The following R3HDM1 variants were observed in gnomAD, a reference collection of about 807,000 sequenced individuals.
R3HDM1 encodes R3H domain-containing protein 1.
In R3HDM1, 46 loss-of-function variants were observed where a neutral mutation model predicts 141.1. The ratio of observed to expected loss-of-function variants is 0.33; its 90% CI spans 0.26 to 0.42. R3HDM1 has a LOEUF of 0.42. R3HDM1 is among the 10% of genes least tolerant of loss of function. The pLI is 1.00. For missense variants in R3HDM1, 1,184 were observed against 1,368.3 expected (o/e 0.87, Z 2.12); for synonymous variants, 435 against 472.9 (o/e 0.92, Z 1.04).
intron 19 of R3HDM1, among the ~76,000 whole-genome samples, chr2:135,664,031 CAA>C (rs11382173): frequency 4.8e-5 from 5 of 103,778 alleles, no homozygotes; most frequent in Non-Finnish European, 6.9e-5. Context: ...GAGACTGTCT[CAA>C]AAAAAAAAAA....
At chr2:135,666,310 C>T (rs2067486121) in intron 19 of R3HDM1, among the ~76,000 whole-genome samples, 1 of 152,074 alleles carries the variant, frequency 6.6e-6, no homozygotes, top group South Asian at 2.1e-4. Flanking sequence ...AATAGGGACT[C>T]AAGGCACAAA....
chr2:135,632,123 C>A (rs967160681), intron 9 of R3HDM1, 122 bp downstream of exon 9: 1 of 866,832 alleles, frequency 1.2e-6, no homozygotes, highest in Non-Finnish European at 1.6e-6. Context: ...TTTATGATAA[C>A]CTTATGTGAT....
chr2:135,622,556 T>G, intron 6 of R3HDM1, 98 bp from the exon 7 acceptor site: 1 of 1,375,652 alleles, frequency 7.3e-7, no homozygotes, highest in Non-Finnish European at 9.5e-7. Flanking sequence ...ATGTGGGGCA[T>G]CTTGTTTTAT....
At chr2:135,631,643 A>T in intron 7 of R3HDM1, 75 bp from the exon 8 acceptor site, 1 of 1,267,548 alleles carries the variant, frequency 7.9e-7, no homozygotes, top group Non-Finnish European at 1.1e-6. Context: ...TAGCTGTATA[A>T]ATCATAGGCT....
intron 1 of R3HDM1, among the ~76,000 whole-genome samples, chr2:135,595,957 C>T (rs1321793967): frequency 6.6e-6 from 1 of 152,136 alleles, no homozygotes. Context: ...TCCTCTATTA[C>T]TCAAGCTTCC....
chr2:135,616,628 T>C, intron 4 of R3HDM1, 40 bp from the exon 5 acceptor site: 4 of 1,491,316 alleles, frequency 2.7e-6, no homozygotes, highest in Non-Finnish European at 3.7e-6. Flanking sequence ...ATGCCCTAGA[T>C]TTCTGAAATG....
At chr2:135,604,747 T>C in intron 2 of R3HDM1, 59 bp from the exon 3 acceptor site, 1 of 1,260,584 alleles carries the variant, frequency 7.9e-7, no homozygotes, top group East Asian at 2.4e-5. Flanking sequence ...AGTAGGTCAG[T>C]ATCATGCAGT....
intron 3 of R3HDM1, among the ~76,000 whole-genome samples, chr2:135,607,493 G>C (rs899565307): frequency 2.0e-5 from 3 of 152,046 alleles, no homozygotes; most frequent in Non-Finnish European, 4.4e-5. Flanking sequence ...TTTACTAATA[G>C]CACTTTCTAG....
At chr2:135,650,815 A>T in intron 17 of R3HDM1, 10 of 984,544 alleles carry the variant, frequency 1.0e-5, no homozygotes, top group Non-Finnish European at 1.2e-5. Flanking sequence ...CAGATCTAGA[A>T]ACTGCAGACA....
At chr2:135,550,162 T>G in intron 1 of R3HDM1, 2 of 984,574 alleles carry the variant, frequency 2.0e-6, no homozygotes, top group Non-Finnish European at 2.4e-6. Flanking sequence ...CACGAACTAT[T>G]TTTTTACACA....
intron 1 of R3HDM1, chr2:135,583,787 A>G: frequency 1.0e-6 from 1 of 985,486 alleles, no homozygotes; most frequent in Non-Finnish European, 1.2e-6. Flanking sequence ...CGCAAGAGCT[A>G]AGCCACCAGA....
rs201931764 is a variant in R3HDM1 at position 135,635,859 on chromosome 2, T to C, written c.699-31T>C. 58 of 1,556,424 alleles carry C rather than the reference T, an allele frequency of 3.7e-5. No homozygotes were observed. The East Asian group carries it at 1.3e-3, about 35-fold the overall frequency. ...GCTAATATTGTTCATTATCTTTTCC[T>C]GTTCCTTTGTTTTTGTTTTTGTTTT... On this transcript the variant is annotated intron_variant, in intron 9 of 26. Coordinates refer to ENST00000683871, the MANE Select transcript of R3HDM1 (RefSeq NM_001378107.1).
chr2:135,607,291 A>G (rs943807255), intron 3 of R3HDM1: 109 of 985,190 alleles, frequency 1.1e-4, no homozygotes, highest in Non-Finnish European at 1.2e-4. Context: ...CTGGCCAAGA[A>G]ACCTGTTTTT....
At chr2:135,677,926 G>GCT (rs1027230011) in intron 20 of R3HDM1, among the ~76,000 whole-genome samples, 3 of 151,906 alleles carry the variant, frequency 2.0e-5, no homozygotes, top group African/African-American at 7.3e-5. Context: ...TCGGTCGCTT[G>GCT]CTCTCTCTCG....
At chr2:135,710,333 A>G in intron 23 of R3HDM1, 102 bp downstream of exon 23, 4 of 1,317,850 alleles carry the variant, frequency 3.0e-6, no homozygotes, top group Non-Finnish European at 4.1e-6. Context: ...CAGATTAATA[A>G]AAGAATTTGG....
intron 1 of R3HDM1, among the ~76,000 whole-genome samples, chr2:135,542,363 T>C (rs1175123069): frequency 1.3e-5 from 2 of 152,222 alleles, no homozygotes; most frequent in African/African-American, 4.8e-5. Context: ...TGTTCACATG[T>C]ATAGAGCACA....
chr2:135,647,520 A>G (rs966776393), intron 16 of R3HDM1, among the ~76,000 whole-genome samples: 2 of 152,228 alleles, frequency 1.3e-5, no homozygotes, highest in Non-Finnish European at 2.9e-5. Flanking sequence ...GATGTAGGCC[A>G]CCTAGTTTAG....
At chr2:135,551,730 T>C (rs1014355322) in intron 1 of R3HDM1, among the ~76,000 whole-genome samples, 8 of 152,338 alleles carry the variant, frequency 5.3e-5, no homozygotes, top group African/African-American at 1.9e-4. Flanking sequence ...TGATTGCTGT[T>C]TGAGATCGGG....
chr2:135,684,379 G>A (rs907984660), intron 21 of R3HDM1, among the ~76,000 whole-genome samples: 43 of 152,256 alleles, frequency 2.8e-4, no homozygotes, highest in Non-Finnish European at 5.1e-4. Context: ...GTGAGCCACC[G>A]CTCCCAGCCG....
Sources: gnomAD v4.1 joint callset for allele counts (sites outside exome capture counted in the v4.1 genomes callset) on GRCh38, gnomAD v4.1.1 for gene constraint, MANE v1.5 for transcripts, NCBI Gene and HGNC (gene_info 2026-07-23, HGNC 2026-07-21) for gene names.